EML6: variants seen among roughly 807,000 people sequenced by gnomAD.
EML6 encodes EMAP like 6, also known as echinoderm microtubule-associated protein-like 6.
EML6 carries 154 observed loss-of-function variants against 240.1 expected under a neutral mutation model. That is an observed-to-expected ratio of 0.64 (90% CI 0.56 to 0.73). EML6 has a LOEUF of 0.73. Ranked by LOEUF, EML6 falls within the 30% of genes least tolerant of loss-of-function variation. The pLI, the probability that EML6 is intolerant of heterozygous loss-of-function variation, is 0.00. For missense variants in EML6, 2,964 were observed against 2,474.6 expected (o/e 1.20, Z -4.20); for synonymous variants, 1,148 against 899.0 (o/e 1.28, Z -4.95).
intron 2 of EML6, among the ~76,000 whole-genome samples, chr2:54,783,861 C>T (rs1188533996): frequency 6.6e-6 from 1 of 152,126 alleles, no homozygotes; most frequent in African/African-American, 2.4e-5. Flanking sequence ...TATTTTCTCT[C>T]ATGTTAATAT....
intron 28 of EML6, 141 bp downstream of exon 28, chr2:54,928,892 C>T (rs1674706892): frequency 2.0e-6 from 2 of 996,246 alleles, no homozygotes; most frequent in Non-Finnish European, 1.5e-6. Flanking sequence ...CACCTGTACA[C>T]AGGCTTAAGC....
At chr2:54,952,720 C>G (rs574646494) in intron 31 of EML6, 28 bp downstream of exon 31, 12 of 1,481,012 alleles carry the variant, frequency 8.1e-6, no homozygotes, top group Non-Finnish European at 1.0e-5. Context: ...AGCTGAGGCT[C>G]TCCCAGCTTG....
chr2:54,812,075 T>C (rs556471119), intron 2 of EML6, among the ~76,000 whole-genome samples: 1 of 152,194 alleles, frequency 6.6e-6, no homozygotes, highest in Non-Finnish European at 1.5e-5. Context: ...TGGTTATAGA[T>C]ATATAATGCT....
intron 19 of EML6, among the ~76,000 whole-genome samples, chr2:54,893,264 A>T (rs573340559): frequency 6.6e-6 from 1 of 152,198 alleles, no homozygotes; most frequent in South Asian, 2.1e-4. Flanking sequence ...GCTGTAACAG[A>T]ATTTCTGAGA....
chr2:54,873,068 A>C (rs1671337373), intron 16 of EML6, among the ~76,000 whole-genome samples: 1 of 152,220 alleles, frequency 6.6e-6, no homozygotes, highest in African/African-American at 2.4e-5. Flanking sequence ...TGAATGACTA[A>C]ATGAACAAAT....
intron 2 of EML6, among the ~76,000 whole-genome samples, chr2:54,759,476 A>ATTTTTAT (rs1667881036): frequency 2.0e-5 from 3 of 152,018 alleles, no homozygotes; most frequent in Admixed American, 2.0e-4. Flanking sequence ...CAATAATATT[A>ATTTTTAT]TTTGCTAATA....
chr2:54,913,618 T>C (rs1203412799), intron 25 of EML6, among the ~76,000 whole-genome samples: 2 of 152,232 alleles, frequency 1.3e-5, no homozygotes, highest in South Asian at 2.1e-4. Context: ...TCTCTGTCGA[T>C]ATTTTCTTTT....
intron 17 of EML6, among the ~76,000 whole-genome samples, chr2:54,884,871 C>T (rs1326167795): frequency 6.6e-5 from 10 of 152,122 alleles, no homozygotes; most frequent in Non-Finnish European, 1.3e-4. Context: ...GGGAGATTTT[C>T]CTCCAATCAA....
At chr2:54,929,138 G>C (rs1032988243) in intron 28 of EML6, among the ~76,000 whole-genome samples, 1 of 152,212 alleles carries the variant, frequency 6.6e-6, no homozygotes, top group African/African-American at 2.4e-5. Context: ...TGGAGGAATG[G>C]CTGCAGAGTT....
chr2:54,803,000 G>T (rs1019361706), intron 2 of EML6, among the ~76,000 whole-genome samples: 1 of 152,008 alleles, frequency 6.6e-6, no homozygotes, highest in African/African-American at 2.4e-5. Context: ...TTGGGAGACT[G>T]GGGTGAAACA....
Position 54,725,218 on chromosome 2 carries a change from A to T in EML6, c.157A>T (p.Ser53Cys). 2.0e-6 allele frequency: 3 copies of T among 1,495,722 alleles called. No homozygotes were observed. The highest frequency in any genetic ancestry group is 2.7e-6 in the Non-Finnish European group (3 of 1,118,494). The allele number at this position is 1,495,722 out of a possible 1,614,324, so 92.7% of individuals were successfully genotyped here. ...VGVVYNTREH[S>C]QKFFLGHNDD... is the part of the protein sequence containing the mutation. ...GGTGGTTTACAACACCCGCGAGCAC[A>T]GCCAAAAATTCTTCCTGGGACACAA... The change falls in exon 2 of 42, where the codon AGC becomes TGC. Residue 53 changes from serine to cysteine, a missense_variant. Coordinates refer to ENST00000356458, the MANE Select transcript of EML6 (RefSeq NM_001039753.4). The surrounding 1 kb of genome is among the most constrained non-coding windows in gnomAD (Gnocchi z 4.3).
At chr2:54,932,719 A>G (rs886825286) in intron 28 of EML6, among the ~76,000 whole-genome samples, 5 of 151,828 alleles carry the variant, frequency 3.3e-5, no homozygotes, top group African/African-American at 4.9e-5. Flanking sequence ...AACATGAGGT[A>G]TGGTGCCCAA....
rs549781967 is a variant in EML6 at position 54,895,013 on chromosome 2, G to T, written c.2841G>T (p.Ser947=). 1 of 1,550,340 alleles carries T rather than the reference G, an allele frequency of 6.5e-7. No homozygotes were observed. Among genetic ancestry groups the T allele is most frequent in the Non-Finnish European group, 8.7e-7 (1 of 1,145,720 alleles). Residue 947 remains serine (S), a synonymous_variant, in exon 20 of 42, where the codon TCG becomes TCT. Transcript: ENST00000356458. ...ATGCCATTAAAAGATCAGCATTGTC[G>T]ACTAGCTCAAAAGGTGCCACTCCCA... ...KTYAIKRSAL[S]TSSKGLLLED...
rs1194029370 is a variant in EML6 at position 54,859,643 on chromosome 2, C to T, written c.1767C>T (p.Phe589=). 1 of 1,551,276 alleles carries T rather than the reference C, an allele frequency of 6.4e-7. No individual in the cohort carries two copies. Among genetic ancestry groups the T allele is most frequent in the Admixed American group, 2.0e-5 (1 of 50,896 alleles). Reference sequence around the variant, plus strand: ...CAGGAGGGGCTGATCACTCAGTTTTCCAGTGGAGGTTTATTCCAGAAGGTG... The same window carrying T: ...CAGGAGGGGCTGATCACTCAGTTTTTCAGTGGAGGTTTATTCCAGAAGGTG... The part of the protein sequence containing the change: ...LSTGGADHSV[F]QWRFIPEGVS... Residue 589 remains phenylalanine (F), a synonymous_variant, in exon 12 of 42, where the codon TTC becomes TTT. Transcript: ENST00000356458.
intron 8 of EML6, among the ~76,000 whole-genome samples, chr2:54,845,377 G>T (rs1669693755): frequency 6.6e-6 from 1 of 152,204 alleles, no homozygotes; most frequent in Non-Finnish European, 1.5e-5. Context: ...CATCCAGAAA[G>T]AAGTGATTTC....
chr2:54,949,313 T>C (rs1346694580), intron 29 of EML6, among the ~76,000 whole-genome samples: 1 of 152,192 alleles, frequency 6.6e-6, no homozygotes, highest in Non-Finnish European at 1.5e-5. Context: ...GGAGCACATA[T>C]TCACCGTCTC....
intron 28 of EML6, among the ~76,000 whole-genome samples, chr2:54,935,851 G>A (rs949946248): frequency 1.3e-5 from 2 of 152,090 alleles, no homozygotes; most frequent in Admixed American, 1.3e-4. Context: ...ACATAAGGAG[G>A]CCCTATCTCT....
At chr2:54,916,218 A>G (rs901693723) in intron 25 of EML6, among the ~76,000 whole-genome samples, 1 of 152,202 alleles carries the variant, frequency 6.6e-6, no homozygotes, top group Non-Finnish European at 1.5e-5. Context: ...TTTTAAAATA[A>G]TTGGCTAAAT....
At chr2:54,960,546 G>C (rs998882030) in intron 35 of EML6, among the ~76,000 whole-genome samples, 1 of 152,156 alleles carries the variant, frequency 6.6e-6, no homozygotes, top group Non-Finnish European at 1.5e-5. Context: ...TAATGTTTTT[G>C]TGTCCAGCAC....
Sources: allele counts gnomAD v4.1 joint callset (sites outside exome capture counted in the v4.1 genomes callset), GRCh38; gene constraint gnomAD v4.1.1; non-coding constraint Gnocchi (gnomAD v3.1); transcripts MANE v1.5; gene names NCBI Gene and HGNC (gene_info 2026-07-23, HGNC 2026-07-21).